Variants in MDGA2 observed in about 807,000 individuals in gnomAD.
MDGA2 encodes the protein MAM domain containing glycosylphosphatidylinositol anchor 2, also known as MAM domain-containing glycosylphosphatidylinositol anchor protein 2.
MDGA2 carries 40 observed loss-of-function variants against 117.8 expected under a neutral mutation model. The ratio of observed to expected loss-of-function variants is 0.34; its 90% CI spans 0.26 to 0.44. MDGA2 has a LOEUF of 0.44. Ranked by LOEUF, MDGA2 falls within the 20% of genes least tolerant of loss-of-function variation. The pLI, the probability that MDGA2 is intolerant of heterozygous loss-of-function variation, is 1.00. For missense variants in MDGA2, 1,123 were observed against 1,250.6 expected (o/e 0.90, Z 1.54); for synonymous variants, 452 against 439.0 (o/e 1.03, Z -0.37).
intron 1 of MDGA2, among the ~76,000 whole-genome samples, chr14:47,416,567 TC>T (rs1442130302): frequency 1.2e-4 from 19 of 152,078 alleles, no homozygotes; most frequent in Non-Finnish European, 2.6e-4. Flanking sequence ...TCCCCATGAC[TC>T]CACTAGGCAC....
At chr14:47,135,518 C>G (rs779820266) in intron 4 of MDGA2, among the ~76,000 whole-genome samples, 10 of 151,966 alleles carry the variant, frequency 6.6e-5, no homozygotes, top group Non-Finnish European at 1.5e-4. Flanking sequence ...TTGGTCTATC[C>G]CACTCAACAT....
At chr14:46,925,301 T>A (rs533355746) in intron 9 of MDGA2, among the ~76,000 whole-genome samples, 6 of 151,940 alleles carry the variant, frequency 3.9e-5, no homozygotes, top group Middle Eastern at 3.4e-3. Context: ...ACAAGGTAAA[T>A]AAATAGTAAG....
At chr14:47,166,486 T>C (rs1174407409) in intron 3 of MDGA2, among the ~76,000 whole-genome samples, 2 of 152,190 alleles carry the variant, frequency 1.3e-5, no homozygotes, top group Non-Finnish European at 2.9e-5. Flanking sequence ...GGAAACATAA[T>C]TGCATTTCTT....
At chr14:47,282,949 T>C (rs1465633405) in intron 2 of MDGA2, among the ~76,000 whole-genome samples, 1 of 152,030 alleles carries the variant, frequency 6.6e-6, no homozygotes, top group African/African-American at 2.4e-5. Context: ...ATCCTGTCTT[T>C]AATAAATAAA....
Position 47,307,279 on chromosome 14 carries a change from T to C in MDGA2, c.281-5729A>G, listed in dbSNP as rs529905732. Among the ~76,000 whole-genome samples, 5 of 152,326 alleles carry C rather than the reference T, an allele frequency of 3.3e-5. No homozygotes were observed. In the South Asian group the frequency reaches 1.0e-3, roughly 32 times the overall value. ...CAATGATATTCTAAACTGATTTTTA[T>C]ATATTTTTTGTGCATACAGTCCTAG... On this transcript the variant is annotated intron_variant, in intron 1 of 16. Transcript: ENST00000399232.
At chr14:46,949,700 T>A (rs532896926) in intron 9 of MDGA2, among the ~76,000 whole-genome samples, 221 of 152,168 alleles carry the variant, frequency 1.5e-3, no homozygotes, top group African/African-American at 4.9e-3. Context: ...TTAATTTTTA[T>A]GGCTATATAG....
intron 8 of MDGA2, among the ~76,000 whole-genome samples, chr14:46,979,769 T>C (rs1231159315): frequency 6.6e-6 from 1 of 152,160 alleles, no homozygotes; most frequent in Non-Finnish European, 1.5e-5. Flanking sequence ...GGTTGATTGA[T>C]GGTGTTAAAG....
At chr14:47,490,129 T>C (rs1594883684) in intron 1 of MDGA2, among the ~76,000 whole-genome samples, 2 of 152,218 alleles carry the variant, frequency 1.3e-5, no homozygotes, top group Middle Eastern at 3.4e-3. Context: ...ATGCCTACAA[T>C]AGTGAGATTA....
intron 5 of MDGA2, among the ~76,000 whole-genome samples, chr14:47,103,925 A>T (rs1880484739): frequency 1.3e-5 from 2 of 152,144 alleles, no homozygotes; most frequent in South Asian, 4.1e-4. Flanking sequence ...GTAAGCTGTG[A>T]TATATCAGCG....
chr14:47,553,681 T>C (rs1209147094), intron 1 of MDGA2, among the ~76,000 whole-genome samples: 1 of 152,180 alleles, frequency 6.6e-6, no homozygotes, highest in Non-Finnish European at 1.5e-5. Context: ...GACTGTAATG[T>C]ATTTATATAT....
chr14:47,666,143 T>C (rs1241130422), intron 1 of MDGA2, among the ~76,000 whole-genome samples: 1 of 151,994 alleles, frequency 6.6e-6, no homozygotes, highest in Non-Finnish European at 1.5e-5. Flanking sequence ...TGTGTCTAGC[T>C]CAGGGTTTCT....
At chr14:47,524,977 A>C (rs1397459724) in intron 1 of MDGA2, among the ~76,000 whole-genome samples, 1 of 152,220 alleles carries the variant, frequency 6.6e-6, no homozygotes, top group Non-Finnish European at 1.5e-5. Context: ...ACTCACATTC[A>C]ATTTAAGAAT....
At chr14:47,190,451 A>C (rs1276892511) in intron 3 of MDGA2, among the ~76,000 whole-genome samples, 5 of 152,170 alleles carry the variant, frequency 3.3e-5, no homozygotes, top group Admixed American at 3.3e-4. Flanking sequence ...TTTTCTTATA[A>C]TCTCCGGAGG....
At chr14:47,579,919 C>T (rs1265604401) in intron 1 of MDGA2, among the ~76,000 whole-genome samples, 2 of 152,060 alleles carry the variant, frequency 1.3e-5, no homozygotes, top group Non-Finnish European at 2.9e-5. Flanking sequence ...AGTATTATTA[C>T]ATGTTACTAT....
intron 1 of MDGA2, among the ~76,000 whole-genome samples, chr14:47,421,165 G>A (rs368433762): frequency 2.0e-5 from 3 of 152,020 alleles, no homozygotes; most frequent in Non-Finnish European, 2.9e-5. Flanking sequence ...TTGATGTAAC[G>A]TATCTGGAGA....
intron 2 of MDGA2, among the ~76,000 whole-genome samples, chr14:47,282,709 A>AAG (rs1888539949): frequency 6.8e-6 from 1 of 147,996 alleles, no homozygotes; most frequent in Non-Finnish European, 1.5e-5. Context: ...AAAAAAAAAC[A>AAG]AAAAACAAAA....
intron 8 of MDGA2, among the ~76,000 whole-genome samples, chr14:46,979,595 T>A (rs1566557358): frequency 1.3e-5 from 2 of 152,092 alleles, no homozygotes; most frequent in African/African-American, 4.8e-5. Flanking sequence ...CAAAGCAACT[T>A]TATTGCTGAT....
At chr14:46,898,905 T>A in intron 10 of MDGA2, among the ~76,000 whole-genome samples, 1 of 152,158 alleles carries the variant, frequency 6.6e-6, no homozygotes, top group African/African-American at 2.4e-5. Context: ...GCAAAGAAAG[T>A]ATTTAATTGT....
chr14:47,568,643 T>C (rs992263078), intron 1 of MDGA2, among the ~76,000 whole-genome samples: 3 of 152,220 alleles, frequency 2.0e-5, no homozygotes, highest in Non-Finnish European at 2.9e-5. Flanking sequence ...TAAAGAGTAT[T>C]TAAATAATTT....
Sources: gnomAD v4.1 joint callset for allele counts (sites outside exome capture counted in the v4.1 genomes callset) on GRCh38, gnomAD v4.1.1 for gene constraint, MANE v1.5 for transcripts, NCBI Gene and HGNC (gene_info 2026-07-23, HGNC 2026-07-21) for gene names.